The following ADGRB3 variants were observed in gnomAD, a reference collection of about 807,000 sequenced individuals.
ADGRB3 encodes the protein brain-specific angiogenesis inhibitor 3.
ADGRB3 carries 37 observed loss-of-function variants against 193.4 expected under a neutral mutation model. The ratio of observed to expected loss-of-function variants is 0.19; its 90% CI spans 0.15 to 0.25. The LOEUF is 0.25. Ranked by LOEUF, ADGRB3 falls within the 10% of genes least tolerant of loss-of-function variation. The pLI, the probability that ADGRB3 is intolerant of heterozygous loss-of-function variation, is 1.00. For synonymous variants in ADGRB3, 690 were observed against 644.2 expected (o/e 1.07, Z -1.08); for missense variants, 1,637 against 1,852.9 (o/e 0.88, Z 2.14).
intron 3 of ADGRB3, among the ~76,000 whole-genome samples, chr6:68,815,666 A>C (rs894709452): frequency 6.7e-6 from 1 of 149,744 alleles, no homozygotes; most frequent in African/African-American, 2.4e-5. Context: ...TTGATGTAAT[A>C]GTTACACAAA....
chr6:69,072,180 G>A (rs941378068), intron 16 of ADGRB3, among the ~76,000 whole-genome samples: 7 of 152,028 alleles, frequency 4.6e-5, no homozygotes, highest in African/African-American at 1.4e-4. Flanking sequence ...ATTGACCTTA[G>A]CTCACAGTCT....
chr6:69,332,976 A>G lies in ADGRB3; in HGVS notation c.3156A>G (p.Gly1052=). 6.2e-7 allele frequency: 1 copy of G among 1,613,902 alleles called. No homozygotes were observed. Among genetic ancestry groups the G allele is most frequent in the Non-Finnish European group, 8.5e-7 (1 of 1,179,890 alleles). ...TTAATAAACTTGTTTCCAGAGATGGAATCCTAGATAAAAAGCTCAAACACA... is the reference window on the plus strand; with the variant it reads ...TTAATAAACTTGTTTCCAGAGATGGGATCCTAGATAAAAAGCTCAAACACA... The part of the protein sequence containing the change: ...LVFNKLVSRD[G]ILDKKLKHRA... The change falls in exon 24 of 32, where the codon GGA becomes GGG. Residue 1052 remains glycine, a synonymous_variant. Transcript: ENST00000370598.
At position 69,333,105 on chromosome 6, in the gene ADGRB3, TTTG is replaced by T. The variant is rs1453905497; in HGVS notation, c.3188+100_3188+102del. 7 of 888,100 alleles carry T rather than the reference TTTG, an allele frequency of 7.9e-6. No homozygotes were observed. In the Admixed American group the frequency reaches 2.0e-4, roughly 25 times the overall value. 55.0% of individuals were successfully genotyped at this position (888,100 alleles called of 1,614,324 possible). ...GACTGCGTTTGACTCTGCCTTGAAT[TTTG>T]TTATTGATGTACTAGTGTGTCCAGT... is the stretch of plus-strand genomic sequence containing the variant. On this transcript the variant is annotated intron_variant, in intron 24 of 31. Coordinates refer to ENST00000370598, the MANE Select transcript of ADGRB3 (RefSeq NM_001704.3).
chr6:68,860,876 CT>C (rs5877177), intron 3 of ADGRB3, among the ~76,000 whole-genome samples: 72,151 of 151,386 alleles, frequency 0.48, 17,833 homozygotes, highest in East Asian at 0.6. Context: ...TTTAAATATG[CT>C]TTTTTTTTAA....
intron 17 of ADGRB3, among the ~76,000 whole-genome samples, chr6:69,140,028 A>G (rs534306726): frequency 6.6e-6 from 1 of 152,294 alleles, no homozygotes; most frequent in Admixed American, 6.5e-5. Context: ...CACTTCCTAC[A>G]CTGTAGCCTA....
chr6:69,346,412 T>C (rs1253483493), intron 26 of ADGRB3, among the ~76,000 whole-genome samples: 1 of 151,906 alleles, frequency 6.6e-6, no homozygotes, highest in Non-Finnish European at 1.5e-5. Flanking sequence ...GGAACAGAAC[T>C]GAGGCCGACC....
chr6:69,280,817 C>A (rs898880790), intron 20 of ADGRB3, among the ~76,000 whole-genome samples: 1 of 151,532 alleles, frequency 6.6e-6, no homozygotes, highest in Non-Finnish European at 1.5e-5. Flanking sequence ...GCTTTAATGG[C>A]AAAGCAAAAT....
intron 20 of ADGRB3, among the ~76,000 whole-genome samples, chr6:69,289,943 A>G (rs1767632309): frequency 6.6e-6 from 1 of 151,958 alleles, no homozygotes; most frequent in South Asian, 2.1e-4. Flanking sequence ...ACAGCCTCTC[A>G]GTTGTGAGGA....
chr6:68,936,663 A>C lies in ADGRB3; in HGVS notation c.1013A>C (p.Asn338Thr). The C allele has an allele frequency of 6.2e-7, 1 of 1,613,268 alleles. No individual in the cohort carries two copies. The highest frequency in any genetic ancestry group is 8.5e-7 in the Non-Finnish European group (1 of 1,179,730). ...TTAAGAGAATCAAGGGTTTGCAATA[A>C]CACTGCCCTCTGTCCAGGTAGTGTT... Reference protein sequence around the residue: ...GPLRESRVCNNTALCPVHGVW... With the variant: ...GPLRESRVCNTTALCPVHGVW... The change falls in exon 5 of 32, where the codon AAC becomes ACC. Residue 338 changes from asparagine to threonine, a missense_variant. Asn to Thr is a moderately conservative substitution (Grantham distance 65). Around this residue, in one of 7 missense-constraint regions of ADGRB3, gnomAD observed 365 missense variants for 409.8 expected, o/e 0.89. Transcript: ENST00000370598.
At chr6:69,075,216 G>A (rs1305465516) in intron 16 of ADGRB3, among the ~76,000 whole-genome samples, 1 of 152,144 alleles carries the variant, frequency 6.6e-6, no homozygotes, top group Admixed American at 6.5e-5. Flanking sequence ...TAGTCATGTG[G>A]AGGATGAGAG....
intron 3 of ADGRB3, among the ~76,000 whole-genome samples, chr6:68,927,834 T>C (rs1410757313): frequency 6.6e-6 from 1 of 152,128 alleles, no homozygotes; most frequent in African/African-American, 2.4e-5. Flanking sequence ...TTAATTCTTA[T>C]TTTTTCAAAA....
At chr6:68,719,860 T>A (rs924102200) in intron 3 of ADGRB3, among the ~76,000 whole-genome samples, 8 of 151,614 alleles carry the variant, frequency 5.3e-5, no homozygotes, top group Admixed American at 1.3e-4. Flanking sequence ...AAATTCTATG[T>A]GTGAGTATGT....
rs1002335410 is a variant in ADGRB3, at chr6:68,787,549, G to A, written c.758-143010G>A. Among the ~76,000 whole-genome samples, 17 of 152,028 alleles carry A rather than the reference G, an allele frequency of 1.1e-4. No homozygotes were observed. In the East Asian group the frequency reaches 2.7e-3, roughly 24 times the overall value. ...AGCTTTTTGATGTGCTGCCGGATTC[G>A]GTTTGCCAGTATTTTACTGAGGATT... On this transcript the variant is annotated intron_variant, in intron 3 of 31. Transcript: ENST00000370598.
intron 20 of ADGRB3, among the ~76,000 whole-genome samples, chr6:69,297,641 T>C (rs1206182717): frequency 3.3e-5 from 5 of 151,902 alleles, no homozygotes; most frequent in African/African-American, 4.8e-5. Context: ...TCATAAATCA[T>C]ACAATGTGAA....
At chr6:69,053,896 C>A (rs760818456) in intron 15 of ADGRB3, among the ~76,000 whole-genome samples, 1 of 152,266 alleles carries the variant, frequency 6.6e-6, no homozygotes, top group Non-Finnish European at 1.5e-5. Flanking sequence ...AGTATACCCT[C>A]AAGCCAAGAA....
intron 17 of ADGRB3, among the ~76,000 whole-genome samples, chr6:69,100,326 G>T (rs953238767): frequency 1.3e-5 from 2 of 151,812 alleles, no homozygotes; most frequent in Non-Finnish European, 2.9e-5. Context: ...CATATACAGG[G>T]TTATAACTGG....
At chr6:69,177,418 G>A (rs558647391) in intron 17 of ADGRB3, among the ~76,000 whole-genome samples, 28 of 151,688 alleles carry the variant, frequency 1.8e-4, no homozygotes, top group Non-Finnish European at 2.9e-4. Flanking sequence ...GTGCAGTGGC[G>A]CCGTCTCGGC....
intron 20 of ADGRB3, among the ~76,000 whole-genome samples, chr6:69,275,634 A>C (rs528202277): frequency 6.6e-6 from 1 of 152,154 alleles, no homozygotes; most frequent in South Asian, 2.1e-4. Context: ...CTATAAAATA[A>C]ATTCAATGAT....
intron 13 of ADGRB3, among the ~76,000 whole-genome samples, chr6:69,041,528 C>T (rs1562133941): frequency 6.6e-6 from 1 of 152,020 alleles, no homozygotes; most frequent in Non-Finnish European, 1.5e-5. Flanking sequence ...CACATTGCAC[C>T]ACACAGTGCA....
Sources: gnomAD v4.1 joint callset for allele counts (sites outside exome capture counted in the v4.1 genomes callset) on GRCh38, gnomAD v4.1.1 for gene constraint, gnomAD v4.1.1 regional missense constraint, MANE v1.5 for transcripts, NCBI Gene and HGNC (gene_info 2026-07-23, HGNC 2026-07-21) for gene names.